The following KCNC2 variants were observed in gnomAD, a reference collection of about 807,000 sequenced individuals.
KCNC2 encodes potassium voltage-gated channel subfamily C member 2.
A neutral mutation model predicts 44.5 loss-of-function variants in KCNC2; 21 were observed. The ratio of observed to expected loss-of-function variants is 0.47; its 90% CI spans 0.33 to 0.68. The LOEUF (loss-of-function observed/expected upper bound fraction) is 0.68, where lower values mean the gene tolerates loss of function less well. Among genes scored for constraint, KCNC2 ranks in the 30% least tolerant of loss-of-function variants. The pLI is 0.01. For missense variants in KCNC2, 589 were observed against 826.2 expected (o/e 0.71, Z 3.52); for synonymous variants, 391 against 339.1 (o/e 1.15, Z -1.68).
Position 75,201,224 on chromosome 12 carries a change from T to C in KCNC2, c.687+6073A>G, listed in dbSNP as rs193238061. Among the ~76,000 whole-genome samples, 4 of 115,834 alleles carry C rather than the reference T, an allele frequency of 3.5e-5. No homozygotes were observed. In the East Asian group the frequency reaches 7.8e-4, roughly 22 times the overall value. The allele number at this position is 115,834 out of a possible 152,430, so 76.0% of individuals were successfully genotyped here. A position where few individuals can be genotyped will look rare whatever the true frequency, so the allele number is the denominator to read the frequency against. ...CACAGCAGTAGCTACCCAACAGCTG[T>C]AGGGAAAAAAAAGGGCAGAAAGTTA... On this transcript the variant is annotated intron_variant, in intron 2 of 4. Transcript: ENST00000549446.
intron 2 of KCNC2, among the ~76,000 whole-genome samples, chr12:75,068,323 G>A (rs1002424655): frequency 4.6e-5 from 7 of 152,154 alleles, no homozygotes; most frequent in East Asian, 3.9e-4. Context: ...TTAATGAGAC[G>A]AAAGGACTTT....
intron 2 of KCNC2, among the ~76,000 whole-genome samples, chr12:75,195,975 A>G (rs889842913): frequency 6.6e-6 from 1 of 152,126 alleles, no homozygotes; most frequent in Non-Finnish European, 1.5e-5. Context: ...CAAACAGTCC[A>G]TGCCTTCCTT....
At chr12:75,098,595 C>A (rs1361655819) in intron 2 of KCNC2, among the ~76,000 whole-genome samples, 1 of 151,886 alleles carries the variant, frequency 6.6e-6, no homozygotes. Flanking sequence ...CCCATTTCTA[C>A]TAAAATTACA....
At chr12:75,051,920 G>T (rs569414355) in intron 2 of KCNC2, among the ~76,000 whole-genome samples, 4 of 152,016 alleles carry the variant, frequency 2.6e-5, no homozygotes, top group South Asian at 4.1e-4. Flanking sequence ...TAGGGAGGAA[G>T]AATAAATAAG....
At chr12:75,057,031 C>T (rs2136970231) in intron 2 of KCNC2, among the ~76,000 whole-genome samples, 1 of 151,970 alleles carries the variant, frequency 6.6e-6, no homozygotes, top group South Asian at 2.1e-4. Context: ...CCATAAATGT[C>T]TGAAAAGTTA....
At chr12:75,050,022 G>A (rs550599078) in intron 3 of KCNC2, among the ~76,000 whole-genome samples, 2 of 152,114 alleles carry the variant, frequency 1.3e-5, no homozygotes, top group East Asian at 3.9e-4. Context: ...ACGATATGGA[G>A]ATCAACATTT....
chr12:75,090,487 C>A (rs1042434773), intron 2 of KCNC2, among the ~76,000 whole-genome samples: 1 of 151,588 alleles, frequency 6.6e-6, no homozygotes, highest in Non-Finnish European at 1.5e-5. Context: ...GAAGACAGAG[C>A]TAACTACAAA....
In KCNC2 at chr12:75,041,382, C is replaced by T; in HGVS notation, c.*1723G>A. On this transcript the variant is annotated 3_prime_UTR_variant, in exon 5 of 5. Coordinates refer to ENST00000549446, the MANE Select transcript of KCNC2 (RefSeq NM_139137.4). ...CAACATCTCCAACATGCAGGTCATG[C>T]TCTAGGACTTGGGGATATAGAGTAA... The T allele has an allele frequency of 7.0e-7, 1 of 1,419,164 alleles. No homozygotes were observed. The highest frequency in any genetic ancestry group is 2.6e-5 in the East Asian group (1 of 38,342). 87.9% of individuals were successfully genotyped at this position (1,419,164 alleles called of 1,614,324 possible).
intron 2 of KCNC2, among the ~76,000 whole-genome samples, chr12:75,174,958 G>A (rs1418045890): frequency 6.6e-6 from 1 of 151,930 alleles, no homozygotes; most frequent in African/African-American, 2.4e-5. Context: ...CCTCCAAGCT[G>A]GTGATAGCAA....
At chr12:75,200,247 T>A (rs117454156) in intron 2 of KCNC2, among the ~76,000 whole-genome samples, 2,839 of 151,872 alleles carry the variant, frequency 0.019, 56 homozygotes, top group Middle Eastern at 0.054. Context: ...GAACACTTAA[T>A]CAGAAGTCAC....
At chr12:75,087,600 T>A (rs1162766799) in intron 2 of KCNC2, among the ~76,000 whole-genome samples, 1 of 152,100 alleles carries the variant, frequency 6.6e-6, no homozygotes, top group East Asian at 1.9e-4. Flanking sequence ...TTTATGCTCA[T>A]GATCTTAATT....
chr12:75,162,991 C>T (rs950061138), intron 2 of KCNC2, among the ~76,000 whole-genome samples: 2 of 151,536 alleles, frequency 1.3e-5, no homozygotes, highest in Non-Finnish European at 3.0e-5. Flanking sequence ...TTTGGTTGAC[C>T]GTAGAAGTGG....
intron 2 of KCNC2, among the ~76,000 whole-genome samples, chr12:75,143,302 T>C (rs1306951517): frequency 6.6e-5 from 10 of 152,128 alleles, no homozygotes. Flanking sequence ...CTCCTGTACT[T>C]ATGTCTCAAA....
intron 2 of KCNC2, among the ~76,000 whole-genome samples, chr12:75,075,476 T>C (rs1565832315): frequency 3.4e-5 from 5 of 147,696 alleles, no homozygotes; most frequent in Non-Finnish European, 7.5e-5. Flanking sequence ...TATATATATA[T>C]ATATATACAC....
intron 2 of KCNC2, among the ~76,000 whole-genome samples, chr12:75,109,678 C>A (rs1472939918): frequency 6.6e-6 from 1 of 152,032 alleles, no homozygotes; most frequent in Non-Finnish European, 1.5e-5. Context: ...TTTTTACCCT[C>A]CCCTGCTTGT....
chr12:75,056,779 T>C (rs755066138), intron 2 of KCNC2, among the ~76,000 whole-genome samples: 35 of 152,010 alleles, frequency 2.3e-4, no homozygotes, highest in Non-Finnish European at 4.4e-4. Flanking sequence ...GTCTGTAATA[T>C]AGCATTCCAA....
chr12:75,121,092 C>G (rs557204793), intron 2 of KCNC2, among the ~76,000 whole-genome samples: 4 of 152,278 alleles, frequency 2.6e-5, no homozygotes, highest in South Asian at 4.1e-4. Flanking sequence ...CCATTCCTAA[C>G]CCTTACAATG....
chr12:75,056,334 C>T (rs1015077318), intron 2 of KCNC2, among the ~76,000 whole-genome samples: 1 of 151,848 alleles, frequency 6.6e-6, no homozygotes, highest in African/African-American at 2.4e-5. Flanking sequence ...AAATATAAGG[C>T]TCATCTCTAT....
chr12:75,205,815 TG>T (rs1469047260), intron 2 of KCNC2, among the ~76,000 whole-genome samples: 1 of 149,122 alleles, frequency 6.7e-6, no homozygotes, highest in African/African-American at 2.5e-5. Context: ...AATATGCACT[TG>T]CGGTTTTGTT....
Sources: allele counts gnomAD v4.1 joint callset (sites outside exome capture counted in the v4.1 genomes callset), GRCh38; gene constraint gnomAD v4.1.1; transcripts MANE v1.5; gene names NCBI Gene and HGNC (gene_info 2026-07-23, HGNC 2026-07-21).